Variants in PTPRN2 observed in about 807,000 individuals in gnomAD.
The protein encoded by PTPRN2 is receptor-type tyrosine-protein phosphatase N2.
Under a neutral mutation model 118.8 loss-of-function variants are expected in PTPRN2, and 74 were observed. The ratio of observed to expected loss-of-function variants is 0.62; its 90% confidence interval spans 0.52 to 0.76. The LOEUF is 0.76. PTPRN2 is among the 30% of genes least tolerant of loss of function. The probability of loss-of-function intolerance (pLI) is 0.00; values close to 1 mark genes in which losing one functional copy is unlikely to be tolerated. For synonymous variants in PTPRN2, 641 were observed against 608.0 expected (o/e 1.05, Z -0.80); for missense variants, 1,481 against 1,394.4 (o/e 1.06, Z -0.99).
At chr7:158,305,219 G>T (rs1033020612) in intron 3 of PTPRN2, among the ~76,000 whole-genome samples, 2 of 152,174 alleles carry the variant, frequency 1.3e-5, no homozygotes, top group African/African-American at 4.8e-5. Context: ...CATTCAGCTG[G>T]CTGGGGGACT....
At chr7:157,803,778 T>C (rs1805465049) in intron 12 of PTPRN2, among the ~76,000 whole-genome samples, 1 of 152,224 alleles carries the variant, frequency 6.6e-6, no homozygotes, top group South Asian at 2.1e-4. Flanking sequence ...GATCTATAAG[T>C]CTGTTTTTAT....
chr7:158,337,114 T>C (rs1194226802), intron 2 of PTPRN2, among the ~76,000 whole-genome samples: 6 of 151,664 alleles, frequency 4.0e-5, no homozygotes, highest in Non-Finnish European at 5.9e-5. Flanking sequence ...CCATAAGAGC[T>C]GAGGCCCACA....
intron 12 of PTPRN2, among the ~76,000 whole-genome samples, chr7:157,684,923 G>A (rs1488961594): frequency 6.6e-6 from 1 of 151,966 alleles, no homozygotes; most frequent in African/African-American, 2.4e-5. Flanking sequence ...CGCGACCCCG[G>A]ATGCGAGAGG....
At chr7:158,408,779 C>T (rs765618774) in intron 2 of PTPRN2, among the ~76,000 whole-genome samples, 2 of 152,144 alleles carry the variant, frequency 1.3e-5, no homozygotes, top group Non-Finnish European at 2.9e-5. Context: ...CAAAAGTTCA[C>T]ATTTTGATCA....
At position 157,874,242 on chromosome 7, in the gene PTPRN2, C is replaced by T. The variant is rs1052007290; in HGVS notation, c.1788+24431G>A. On this transcript the variant is annotated intron_variant, in intron 12 of 22. Transcript: ENST00000389418. This position sits in a 1 kb window ranked among gnomAD's most constrained non-coding sequence, Gnocchi z 5.8. ...CAACTGGGCAGGCTGCTCCCTTCAC[C>T]CCAACACTCCATGGCTCCCCATGGC... Among the ~76,000 whole-genome samples the T allele has an allele frequency of 6.6e-6, 1 of 152,186 alleles. No homozygotes were observed. The highest frequency in any genetic ancestry group is 2.4e-5 in the African/African-American group (1 of 41,448).
intron 2 of PTPRN2, among the ~76,000 whole-genome samples, chr7:158,354,616 G>GCTCAATA (rs1305221205): frequency 2.0e-5 from 3 of 152,102 alleles, no homozygotes; most frequent in African/African-American, 7.2e-5. Flanking sequence ...GAATCAGTGA[G>GCTCAATA]CTCAAATACA....
rs573323728 is a variant in PTPRN2, at chr7:158,136,554, G to GAA, written c.1173+99_1173+100dup. 8.6e-6 allele frequency: 10 copies of GAA among 1,167,150 alleles called. 1 individual carries two copies. Among genetic ancestry groups the GAA allele is most frequent in the Admixed American group, 8.2e-5 (4 of 48,588 alleles). The allele number at this position is 1,167,150 out of a possible 1,614,324, so 72.3% of individuals were successfully genotyped here. On this transcript the variant is annotated intron_variant, in intron 8 of 22. Transcript: ENST00000389418. Reference sequence around the variant, plus strand: ...GAGGGGTTTCTCCATAATTTTCTGGGAAAAAAACTTTTGTATTTCATAAAT... The same window carrying GAA: ...GAGGGGTTTCTCCATAATTTTCTGGGAAAAAAAAACTTTTGTATTTCATAAAT...
chr7:158,413,904 C>G (rs1381552960), intron 2 of PTPRN2, among the ~76,000 whole-genome samples: 1 of 152,070 alleles, frequency 6.6e-6, no homozygotes, highest in African/African-American at 2.4e-5. Context: ...CTTTGGGAGG[C>G]CGAGGCAGGT....
At chr7:157,880,753 G>A (rs1005783018) in intron 12 of PTPRN2, among the ~76,000 whole-genome samples, 5 of 152,132 alleles carry the variant, frequency 3.3e-5, no homozygotes, top group Admixed American at 6.6e-5. Context: ...TAAAAATCGC[G>A]CTAAATTTTA....
At position 157,580,425 on chromosome 7, in the gene PTPRN2, G is replaced by A. The variant is rs374839152; in HGVS notation, c.2497-2285C>T. Among the ~76,000 whole-genome samples, 43 of 151,444 alleles carry A rather than the reference G, an allele frequency of 2.8e-4. No individual in the cohort carries two copies. The East Asian group carries it at 5.7e-3, about 20-fold the overall frequency. On this transcript the variant is annotated intron_variant, in intron 17 of 22. Coordinates refer to ENST00000389418, the MANE Select transcript of PTPRN2 (RefSeq NM_002847.5). The stretch of plus-strand genomic sequence containing the variant: ...GGCCCCCATGGCCACCTGCACAGCC[G>A]AGTACCTGCACACCCCAGCACCTGC...
At chr7:158,333,327 C>T (rs60317841) in intron 2 of PTPRN2, among the ~76,000 whole-genome samples, 21,482 of 82,224 alleles carry the variant, frequency 0.26, 383 homozygotes, top group South Asian at 0.39. Context: ...CACACCCACA[C>T]TGTCACCATA....
chr7:158,072,816 T>A (rs536208382), intron 11 of PTPRN2, among the ~76,000 whole-genome samples: 48 of 152,264 alleles, frequency 3.2e-4, no homozygotes, highest in African/African-American at 1.0e-3. Context: ...AAGGGAGAGT[T>A]TCAGATGCCA....
intron 11 of PTPRN2, among the ~76,000 whole-genome samples, chr7:158,055,094 T>C (rs1013171185): frequency 6.6e-6 from 1 of 152,240 alleles, no homozygotes; most frequent in Non-Finnish European, 1.5e-5. Context: ...ATCTAGATCA[T>C]AGATATGATT....
Position 157,550,487 on chromosome 7 carries a change from C to A in PTPRN2, c.2903-1468G>T, listed in dbSNP as rs985139555. Among the ~76,000 whole-genome samples the A allele has an allele frequency of 2.0e-5, 3 of 152,360 alleles. No homozygotes were observed. In the East Asian group the frequency reaches 5.8e-4, roughly 29 times the overall value. On this transcript the variant is annotated intron_variant, in intron 21 of 22. Coordinates refer to ENST00000389418, the MANE Select transcript of PTPRN2 (RefSeq NM_002847.5). This position sits in a 1 kb window ranked among gnomAD's most constrained non-coding sequence, Gnocchi z 5.2. ...TCAGGACAGCCCCACAGCGGCTCCA[C>A]CAGGGAGGCCGGGCGCGAGATGACC... is the stretch of plus-strand genomic sequence containing the variant.
At chr7:158,103,121 C>T (rs764731221) in intron 10 of PTPRN2, among the ~76,000 whole-genome samples, 5 of 152,166 alleles carry the variant, frequency 3.3e-5, no homozygotes, top group African/African-American at 1.2e-4. Flanking sequence ...AAAGGGCCTG[C>T]GGTCATTGGC....
At chr7:157,712,824 A>G (rs1798717393) in intron 12 of PTPRN2, among the ~76,000 whole-genome samples, 1 of 151,270 alleles carries the variant, frequency 6.6e-6, no homozygotes, top group Non-Finnish European at 1.5e-5. Context: ...TCACACACAG[A>G]GGCAGGGACT....
intron 11 of PTPRN2, among the ~76,000 whole-genome samples, chr7:157,992,988 C>T (rs977705222): frequency 6.6e-6 from 1 of 152,210 alleles, no homozygotes; most frequent in East Asian, 1.9e-4. Context: ...GAGCCTGGAG[C>T]CCCCGTCTTA....
At chr7:158,167,611 T>G (rs1823149513) in intron 5 of PTPRN2, among the ~76,000 whole-genome samples, 1 of 152,234 alleles carries the variant, frequency 6.6e-6, no homozygotes, top group South Asian at 2.1e-4. Context: ...GAGACATCAC[T>G]ACTAAGTCCA....
chr7:158,402,015 A>G (rs1443707125), intron 2 of PTPRN2, among the ~76,000 whole-genome samples: 1 of 151,948 alleles, frequency 6.6e-6, no homozygotes, highest in African/African-American at 2.4e-5. Flanking sequence ...GGGGTGTGAA[A>G]GAGAGATGAG....
Sources: allele counts gnomAD v4.1 joint callset (sites outside exome capture counted in the v4.1 genomes callset), GRCh38; gene constraint gnomAD v4.1.1; non-coding constraint Gnocchi (gnomAD v3.1); transcripts MANE v1.5; gene names NCBI Gene and HGNC (gene_info 2026-07-23, HGNC 2026-07-21).